The following RNF125 variants were observed in gnomAD, a reference collection of about 807,000 sequenced individuals.
The protein encoded by RNF125 is ring finger protein 125, also known as E3 ubiquitin-protein ligase RNF125.
Under a neutral mutation model 26.0 loss-of-function variants are expected in RNF125, and 21 were observed. The ratio of observed to expected loss-of-function variants is 0.81; its 90% CI spans 0.57 to 1.16. The LOEUF is 1.16. Among genes scored for constraint, RNF125 ranks in the 50% most tolerant of loss-of-function variants. The pLI is 0.00. For synonymous variants in RNF125, 95 were observed against 109.2 expected (o/e 0.87, Z 0.81); for missense variants, 270 against 299.4 (o/e 0.90, Z 0.72).
chr18:32,086,525 AT>A, the RNF125 span, among the ~76,000 whole-genome samples: 1,037 of 143,224 alleles, frequency 7.2e-3, 15 homozygotes, highest in African/African-American at 0.024. Flanking sequence ...CTAATTTCTA[AT>A]TTTTTTTTTT....
the RNF125 span, among the ~76,000 whole-genome samples, chr18:32,079,086 G>A: frequency 6.6e-6 from 1 of 152,136 alleles, no homozygotes; most frequent in Admixed American, 6.5e-5. Flanking sequence ...ATTTATCTTT[G>A]TAATCACAGG....
intron 4 of RNF125, among the ~76,000 whole-genome samples, chr18:32,065,266 T>C (rs2039473499): frequency 6.6e-6 from 1 of 152,182 alleles, no homozygotes. Context: ...AGACAGAGTT[T>C]TGCTCTTGTT....
intron 4 of RNF125, among the ~76,000 whole-genome samples, chr18:32,062,248 C>T (rs368021502): frequency 5.9e-5 from 9 of 152,278 alleles, no homozygotes; most frequent in East Asian, 3.9e-4. Context: ...ATTCTAAGTG[C>T]GGAACACGTA....
chr18:32,036,205 G>C (rs2039152432), intron 1 of RNF125, among the ~76,000 whole-genome samples: 1 of 151,398 alleles, frequency 6.6e-6, no homozygotes, highest in South Asian at 2.1e-4. Flanking sequence ...TTAGGGGCTG[G>C]CCACGCTGTT....
chr18:32,030,893 G>T (rs2039087079), intron 1 of RNF125: 1 of 151,972 alleles, frequency 6.6e-6, no homozygotes, highest in Non-Finnish European at 1.5e-5. Flanking sequence ...TAGAGATGGG[G>T]GTCTCACTAT....
At chr18:32,030,192 T>C (rs2039078286) in intron 1 of RNF125, among the ~76,000 whole-genome samples, 2 of 152,082 alleles carry the variant, frequency 1.3e-5, no homozygotes, top group South Asian at 4.1e-4. Flanking sequence ...TACTGGCGCA[T>C]GCTGCCACGC....
chr18:32,057,730 C>T (rs951195728), intron 4 of RNF125, among the ~76,000 whole-genome samples: 1 of 152,072 alleles, frequency 6.6e-6, no homozygotes, highest in East Asian at 1.9e-4. Context: ...TGTTCGCCTA[C>T]TATTTTATCT....
At chr18:32,057,095 A>T (rs2039392934) in intron 4 of RNF125, among the ~76,000 whole-genome samples, 2 of 152,168 alleles carry the variant, frequency 1.3e-5, no homozygotes, top group South Asian at 2.1e-4. Context: ...TTTTGTTTCT[A>T]CACCTTTCAA....
intron 4 of RNF125, among the ~76,000 whole-genome samples, chr18:32,049,260 G>T (rs2039301713): frequency 6.6e-6 from 1 of 152,206 alleles, no homozygotes; most frequent in Non-Finnish European, 1.5e-5. Context: ...CAGATTGCCT[G>T]TGGGATTTTG....
At chr18:32,049,246 G>T (rs1030513801) in intron 4 of RNF125, among the ~76,000 whole-genome samples, 5 of 152,200 alleles carry the variant, frequency 3.3e-5, no homozygotes, top group Non-Finnish European at 1.5e-5. Flanking sequence ...AGGAATGGTG[G>T]AATCAGATTG....
intron 1 of RNF125, among the ~76,000 whole-genome samples, chr18:32,034,531 GTGTAT>G (rs2039132741): frequency 6.6e-6 from 1 of 152,162 alleles, no homozygotes; most frequent in Non-Finnish European, 1.5e-5. Flanking sequence ...TTTCTTGGGA[GTGTAT>G]TAAGATTAAA....
At chr18:32,086,056 T>C in the RNF125 span, among the ~76,000 whole-genome samples, 1 of 152,178 alleles carries the variant, frequency 6.6e-6, no homozygotes, top group Non-Finnish European at 1.5e-5. Flanking sequence ...AATTCAAATA[T>C]TAATATATCA....
chr18:32,088,834 G>C, the RNF125 span, among the ~76,000 whole-genome samples: 72 of 152,234 alleles, frequency 4.7e-4, no homozygotes, highest in East Asian at 6.0e-3. Context: ...CAATCAGCAA[G>C]AAGTGGCAAG....
intron 4 of RNF125, among the ~76,000 whole-genome samples, chr18:32,063,084 G>A (rs982142660): frequency 6.6e-6 from 1 of 151,916 alleles, no homozygotes; most frequent in Non-Finnish European, 1.5e-5. Flanking sequence ...GCTGGGCATG[G>A]TGGTGGGCGC....
At chr18:32,059,873 T>G (rs542912968) in intron 4 of RNF125, among the ~76,000 whole-genome samples, 7 of 152,320 alleles carry the variant, frequency 4.6e-5, no homozygotes, top group African/African-American at 1.7e-4. Context: ...AATTATCCTT[T>G]CAAAAGAATC....
chr18:32,039,191 C>T (rs1297779275), intron 2 of RNF125, among the ~76,000 whole-genome samples: 2 of 151,668 alleles, frequency 1.3e-5, no homozygotes, highest in Non-Finnish European at 2.9e-5. Flanking sequence ...TGCTTGAGCT[C>T]AGGAGTTCAA....
At position 32,037,176 on chromosome 18, in the gene RNF125, C is replaced by T. The variant is rs2039164303; in HGVS notation, c.225C>T (p.Cys75=). Reference sequence around the variant, plus strand: ...ACAACAAGTGGACCTGTCCTTATTGCCGGGCATATCTTCCTTCAGAAGGAG... The same window carrying T: ...ACAACAAGTGGACCTGTCCTTATTGTCGGGCATATCTTCCTTCAGAAGGAG... ...LKNNKWTCPY[C]RAYLPSEGVP... Residue 75 remains cysteine (C), a synonymous_variant, in exon 2 of 6, where the codon TGC becomes TGT. Transcript: ENST00000217740. The T allele has an allele frequency of 6.2e-7, 1 of 1,605,424 alleles. No individual in the cohort carries two copies. Among genetic ancestry groups the T allele is most frequent in the African/African-American group, 1.3e-5 (1 of 74,306 alleles).
At chr18:32,064,113 G>A (rs1306528466) in intron 4 of RNF125, among the ~76,000 whole-genome samples, 1 of 151,826 alleles carries the variant, frequency 6.6e-6, no homozygotes, top group Non-Finnish European at 1.5e-5. Context: ...TGCTGCCTCA[G>A]CCTCTGGAGT....
chr18:32,056,017 T>TA (rs953226438), intron 4 of RNF125, among the ~76,000 whole-genome samples: 2 of 148,732 alleles, frequency 1.3e-5, no homozygotes, highest in Non-Finnish European at 3.0e-5. Context: ...ATTTAAAAAT[T>TA]AAAAAAAATT....
Sources: gnomAD v4.1 joint callset for allele counts (sites outside exome capture counted in the v4.1 genomes callset) on GRCh38, gnomAD v4.1.1 for gene constraint, MANE v1.5 for transcripts, NCBI Gene and HGNC (gene_info 2026-07-23, HGNC 2026-07-21) for gene names.